GABPB1: variants seen among roughly 807,000 people sequenced by gnomAD.
GABPB1 encodes GA-binding protein subunit beta-1.
In GABPB1, 15 loss-of-function variants were observed where a neutral mutation model predicts 45.9. That is an observed-to-expected ratio of 0.33 (90% CI 0.22 to 0.50). The LOEUF (loss-of-function observed/expected upper bound fraction) is 0.50. GABPB1 is among the 20% of genes least tolerant of loss of function. GABPB1 has a pLI of 0.98. For missense variants in GABPB1, 252 were observed against 457.5 expected, an observed-to-expected ratio of 0.55 and a Z score of 4.10; for synonymous variants, 143 against 154.4, an observed-to-expected ratio of 0.93 and a Z score of 0.55.
chr15:50,303,813 A>G (rs979712328), intron 3 of GABPB1, among the ~76,000 whole-genome samples, 153 bp downstream of exon 3: 2 of 152,218 alleles, frequency 1.3e-5, no homozygotes, highest in African/African-American at 4.8e-5. Context: ...AATGAAAGCT[A>G]TAAGACAATT....
intron 1 of GABPB1, among the ~76,000 whole-genome samples, chr15:50,341,838 T>C (rs747054264): frequency 4.4e-4 from 67 of 152,298 alleles, no homozygotes; most frequent in Non-Finnish European, 1.0e-4. Flanking sequence ...GGTACCTTAC[T>C]TCCCAAATGG....
At chr15:50,348,489 G>A (rs893109727) in intron 1 of GABPB1, among the ~76,000 whole-genome samples, 3 of 151,586 alleles carry the variant, frequency 2.0e-5, no homozygotes, top group African/African-American at 7.3e-5. Context: ...GACCTCAAGT[G>A]ATCCGCCCGC....
chr15:50,354,365 G>C (rs758215730), intron 1 of GABPB1: 2 of 451,354 alleles, frequency 4.4e-6, no homozygotes, highest in African/African-American at 2.0e-5. Flanking sequence ...GCGCGGGACT[G>C]GCCAGGCTCT....
At position 50,277,645 on chromosome 15, in the gene GABPB1, T is replaced by C. The variant is rs776949812; in HGVS notation, c.*987A>G. The C allele has an allele frequency of 6.6e-6, 1 of 152,610 alleles. No homozygotes were observed. Among genetic ancestry groups the C allele is most frequent in the Non-Finnish European group, 1.5e-5 (1 of 68,026 alleles). 9.5% of individuals were successfully genotyped at this position (152,610 alleles called of 1,614,324 possible). On this transcript the variant is annotated 3_prime_UTR_variant, in exon 9 of 9. Transcript: ENST00000380877. The stretch of plus-strand genomic sequence containing the variant: ...AAGCAATTTTTTTCCGTAAGAATCA[T>C]TTCCTGGGGAGAAATAAGTCCATAA...
rs565960299 is a variant in GABPB1 at position 50,346,575 on chromosome 15, AAAC to A, written c.-1+8407_-1+8409del. On this transcript the variant is annotated intron_variant, in intron 1 of 8. Coordinates refer to ENST00000380877, the MANE Select transcript of GABPB1 (RefSeq NM_016654.5). ...AAATACCATAAACTGGGTAGCTTAC[AAAC>A]AACAGAAAGTTTTTTTTTTTTTTTT... Among the ~76,000 whole-genome samples the A allele has an allele frequency of 6.0e-5, 9 of 150,034 alleles. No individual in the cohort carries two copies. The South Asian group carries it at 1.7e-3, about 28-fold the overall frequency.
intron 8 of GABPB1, among the ~76,000 whole-genome samples, chr15:50,279,053 C>G (rs1179383069): frequency 6.6e-6 from 1 of 152,180 alleles, no homozygotes; most frequent in Non-Finnish European, 1.5e-5. Flanking sequence ...AGACTCCAAA[C>G]TGGGCACCTG....
chr15:50,297,770 G>A (rs2046574220), intron 6 of GABPB1, among the ~76,000 whole-genome samples: 1 of 152,168 alleles, frequency 6.6e-6, no homozygotes, highest in Non-Finnish European at 1.5e-5. Context: ...AGGAGGCGGA[G>A]GCTTCAGTGA....
chr15:50,293,084 A>G (rs2046405124), intron 6 of GABPB1, among the ~76,000 whole-genome samples: 1 of 152,188 alleles, frequency 6.6e-6, no homozygotes, highest in African/African-American at 2.4e-5. Flanking sequence ...ACATTACAAA[A>G]GTGCAATTAC....
chr15:50,326,064 C>G (rs942746709), intron 1 of GABPB1, among the ~76,000 whole-genome samples: 1 of 30,668 alleles, frequency 3.3e-5, no homozygotes, highest in Non-Finnish European at 6.7e-5. Flanking sequence ...CCCACCACCA[C>G]GCCCAGCTAA....
chr15:50,296,122 A>G (rs991630404), intron 6 of GABPB1, among the ~76,000 whole-genome samples: 5 of 152,172 alleles, frequency 3.3e-5, no homozygotes, highest in African/African-American at 9.7e-5. Context: ...CCTTCTCTTT[A>G]TATATAGGAC....
chr15:50,324,865 G>T (rs2047696064), intron 1 of GABPB1, among the ~76,000 whole-genome samples: 1 of 151,818 alleles, frequency 6.6e-6, no homozygotes, highest in Non-Finnish European at 1.5e-5. Context: ...TCTTTCTATG[G>T]GCACAAGTTA....
At position 50,304,068 on chromosome 15, in the gene GABPB1, C is replaced by G. The variant is rs939813892; in HGVS notation, c.174G>C (p.Leu58=). The change falls in exon 3 of 9, where the codon CTG becomes CTC. Residue 58 remains leucine, a synonymous_variant. Transcript: ENST00000380877. ...YGHYSTTEVL[L]RAGVSRDART... is the part of the protein sequence containing the mutation. ...TGGCATCTCTGCTCACACCAGCTCG[C>G]AGCAGTACCTCTGTGGTGGAATAAT... The G allele has an allele frequency of 3.1e-6, 5 of 1,613,316 alleles. No individual in the cohort carries two copies. Among genetic ancestry groups the G allele is most frequent in the Admixed American group, 1.7e-5 (1 of 59,934 alleles).
rs1355202480 is a variant in GABPB1, at chr15:50,277,056, C to T, written c.*1576G>A. The T allele has an allele frequency of 6.6e-6, 1 of 152,068 alleles. No individual in the cohort carries two copies. The highest frequency in any genetic ancestry group is 2.4e-5 in the African/African-American group (1 of 41,400). 9.4% of individuals were successfully genotyped at this position (152,068 alleles called of 1,614,324 possible). A position where few individuals can be genotyped will look rare whatever the true frequency, so the allele number is the denominator to read the frequency against. On this transcript the variant is annotated 3_prime_UTR_variant, in exon 9 of 9. Coordinates refer to ENST00000380877, the MANE Select transcript of GABPB1 (RefSeq NM_016654.5). Reference sequence around the variant, plus strand: ...AATAGTAACCATCAGGCTGACAGACCATAGACCCCTTTATTACATTAACAA... The same window carrying T: ...AATAGTAACCATCAGGCTGACAGACTATAGACCCCTTTATTACATTAACAA...
rs2048911764 is a variant in GABPB1, at chr15:50,353,085, T to C, written c.-1+1900A>G. The C allele has an allele frequency of 2.0e-5, 3 of 152,230 alleles. No individual in the cohort carries two copies. In the South Asian group the frequency reaches 6.2e-4, roughly 31 times the overall value. The allele number at this position is 152,230 out of a possible 1,614,324, so 9.4% of individuals were successfully genotyped here. ...AAGATAACATTTACACAAGTGTTGA[T>C]AGCATATGTGGAATTCACGTGTTAC... On this transcript the variant is annotated intron_variant, in intron 1 of 8. Transcript: ENST00000380877.
At chr15:50,300,290 G>C (rs2046681167) in intron 6 of GABPB1, among the ~76,000 whole-genome samples, 1 of 152,114 alleles carries the variant, frequency 6.6e-6, no homozygotes. Flanking sequence ...ATACTGGACT[G>C]ATGACTATAA....
intron 6 of GABPB1, among the ~76,000 whole-genome samples, chr15:50,296,265 T>C (rs80341836): frequency 0.02 from 3,070 of 152,102 alleles, 105 homozygotes; most frequent in African/African-American, 0.071. Flanking sequence ...GAACAATGAG[T>C]GTACTGATGG....
Position 50,354,891 on chromosome 15 carries a change from C to A in GABPB1, c.-1+94G>T. ...ATAAACAGGAAATCGCGGGGATGAT[C>A]TGGGTTCCGGGGGAAGTGGAATTAT... On this transcript the variant is annotated intron_variant, in intron 1 of 8. Coordinates refer to ENST00000380877, the MANE Select transcript of GABPB1 (RefSeq NM_016654.5). The A allele has an allele frequency of 2.3e-5, 5 of 220,234 alleles. No individual in the cohort carries two copies. In the South Asian group the frequency reaches 2.6e-4, roughly 11 times the overall value. 13.6% of individuals were successfully genotyped at this position (220,234 alleles called of 1,614,324 possible).
At chr15:50,318,388 C>T (rs990154410) in intron 1 of GABPB1, among the ~76,000 whole-genome samples, 1 of 152,106 alleles carries the variant, frequency 6.6e-6, no homozygotes, top group Non-Finnish European at 1.5e-5. Flanking sequence ...ATTTTTTCCT[C>T]CATGCCCATT....
intron 8 of GABPB1, among the ~76,000 whole-genome samples, chr15:50,281,402 G>A (rs368093782): frequency 5.4e-4 from 82 of 152,046 alleles, no homozygotes; most frequent in Middle Eastern, 3.4e-3. Flanking sequence ...TAGTAGAGAC[G>A]GGGTTTCACC....
Sources: gnomAD v4.1 joint callset for allele counts (sites outside exome capture counted in the v4.1 genomes callset) on GRCh38, gnomAD v4.1.1 for gene constraint, MANE v1.5 for transcripts, NCBI Gene and HGNC (gene_info 2026-07-23, HGNC 2026-07-21) for gene names.